The following SLCO3A1 variants were observed in gnomAD, a reference collection of about 807,000 sequenced individuals.
The protein encoded by SLCO3A1 is PGE1 transporter.
A neutral mutation model predicts 63.1 loss-of-function variants in SLCO3A1; 27 were observed. That is an observed-to-expected ratio of 0.43 (90% CI 0.32 to 0.59). The LOEUF (loss-of-function observed/expected upper bound fraction) is 0.59, where lower values mean the gene tolerates loss of function less well. Among genes scored for constraint, SLCO3A1 ranks in the 20% least tolerant of loss-of-function variants. SLCO3A1 has a pLI of 0.09. For synonymous variants in SLCO3A1, 473 were observed against 409.9 expected, an observed-to-expected ratio of 1.15 and a Z score of -1.86; for missense variants, 773 against 945.8, an observed-to-expected ratio of 0.82 and a Z score of 2.40.
At chr15:92,106,184 G>A (rs748001456) in intron 4 of SLCO3A1, among the ~76,000 whole-genome samples, 12 of 152,156 alleles carry the variant, frequency 7.9e-5, no homozygotes, top group Admixed American at 2.0e-4. Flanking sequence ...ATTTAATATC[G>A]TAATGTTATG....
intron 2 of SLCO3A1, among the ~76,000 whole-genome samples, chr15:92,052,888 G>A (rs907966847): frequency 6.6e-6 from 1 of 151,854 alleles, no homozygotes; most frequent in Non-Finnish European, 1.5e-5. Context: ...ATAAAATGTT[G>A]TTAGAATCAA....
chr15:92,135,590 T>A (rs1341085584), intron 7 of SLCO3A1, among the ~76,000 whole-genome samples: 2 of 152,144 alleles, frequency 1.3e-5, no homozygotes, highest in East Asian at 1.9e-4. Flanking sequence ...GTTGAACCAA[T>A]GAAGTGAAGA....
intron 1 of SLCO3A1, among the ~76,000 whole-genome samples, chr15:91,858,982 G>A (rs528497222): frequency 1.3e-3 from 201 of 152,312 alleles, no homozygotes; most frequent in African/African-American, 4.3e-3. Flanking sequence ...GTTCCAACTC[G>A]CGCAGATTTC....
chr15:91,902,037 T>C (rs1898171249), intron 1 of SLCO3A1, among the ~76,000 whole-genome samples: 1 of 152,170 alleles, frequency 6.6e-6, no homozygotes, highest in South Asian at 2.1e-4. Flanking sequence ...TGCATAATTC[T>C]TAGTGATTAT....
chr15:91,940,174 C>G (rs1899568800), intron 2 of SLCO3A1, among the ~76,000 whole-genome samples: 1 of 152,200 alleles, frequency 6.6e-6, no homozygotes, highest in Admixed American at 6.5e-5. Context: ...CAGCTCCTGC[C>G]TGGCATTGGA....
intron 2 of SLCO3A1, among the ~76,000 whole-genome samples, chr15:92,026,628 G>T (rs929264802): frequency 2.0e-5 from 3 of 152,162 alleles, no homozygotes; most frequent in African/African-American, 7.2e-5. Flanking sequence ...TGAGTTCATA[G>T]GTCTGTAACC....
chr15:91,898,162 G>A (rs993677997), intron 1 of SLCO3A1, among the ~76,000 whole-genome samples: 9 of 152,160 alleles, frequency 5.9e-5, no homozygotes, highest in African/African-American at 2.2e-4. Context: ...ACAGAGCCGT[G>A]TGCCTGTGTC....
At chr15:91,976,485 C>T (rs529229061) in intron 2 of SLCO3A1, among the ~76,000 whole-genome samples, 34 of 152,296 alleles carry the variant, frequency 2.2e-4, no homozygotes, top group African/African-American at 7.9e-4. Flanking sequence ...TTGGACAACA[C>T]AGCTGTAGCC....
intron 2 of SLCO3A1, among the ~76,000 whole-genome samples, chr15:92,058,571 C>T (rs2047049055): frequency 6.6e-6 from 1 of 152,134 alleles, no homozygotes; most frequent in Non-Finnish European, 1.5e-5. Context: ...TGGCCCATCA[C>T]CCCATTCACG....
downstream of SLCO3A1, among the ~76,000 whole-genome samples, chr15:92,167,245 C>T (rs2048498473): frequency 1.3e-5 from 2 of 152,276 alleles, no homozygotes; most frequent in African/African-American, 4.8e-5. Context: ...AGGAAAGTAC[C>T]AGACACATGG....
At chr15:92,063,911 TTTTG>T (rs1247604665) in intron 2 of SLCO3A1, among the ~76,000 whole-genome samples, 2 of 152,202 alleles carry the variant, frequency 1.3e-5, no homozygotes, top group African/African-American at 4.8e-5. Flanking sequence ...GTTGTTGTTC[TTTTG>T]TTTGTTTTTT....
At chr15:92,106,803 A>G (rs2047672738) in intron 4 of SLCO3A1, among the ~76,000 whole-genome samples, 1 of 152,198 alleles carries the variant, frequency 6.6e-6, no homozygotes, top group Admixed American at 6.5e-5. Context: ...AGAGGCAGAG[A>G]GAAGCCCACC....
chr15:92,143,761 G>A (rs1422532108), intron 7 of SLCO3A1, among the ~76,000 whole-genome samples: 5 of 151,064 alleles, frequency 3.3e-5, no homozygotes, highest in Non-Finnish European at 7.4e-5. Flanking sequence ...CTGGAGCTGG[G>A]GCTGGGGCTG....
At chr15:92,166,260 C>T (rs2048492969), downstream of SLCO3A1, among the ~76,000 whole-genome samples, 1 of 152,132 alleles carries the variant, frequency 6.6e-6, no homozygotes, top group Non-Finnish European at 1.5e-5. Context: ...TCACAGCTAG[C>T]GAAGGAGTGG....
At chr15:92,065,176 G>A (rs12911156) in intron 2 of SLCO3A1, among the ~76,000 whole-genome samples, 99,657 of 151,992 alleles carry the variant, frequency 0.66, 33,219 homozygotes, top group Admixed American at 0.79. Context: ...TCTGCCTTCC[G>A]GGTTCAAGCA....
At chr15:92,003,600 C>T (rs2046280366) in intron 2 of SLCO3A1, among the ~76,000 whole-genome samples, 1 of 152,140 alleles carries the variant, frequency 6.6e-6, no homozygotes, top group Non-Finnish European at 1.5e-5. Context: ...GATGAGAAAT[C>T]CCAGACTTCA....
chr15:92,118,489 A>G (rs778324207), intron 4 of SLCO3A1, among the ~76,000 whole-genome samples: 6 of 152,218 alleles, frequency 3.9e-5, no homozygotes, highest in Non-Finnish European at 7.3e-5. Context: ...TAAGTTTTGT[A>G]TATCTGCCAG....
chr15:91,979,420 G>A (rs1901248399), intron 2 of SLCO3A1, among the ~76,000 whole-genome samples: 1 of 152,234 alleles, frequency 6.6e-6, no homozygotes, highest in African/African-American at 2.4e-5. Flanking sequence ...CCACTTGGCA[G>A]TACTCAAAAA....
At position 91,885,204 on chromosome 15, in the gene SLCO3A1, C is replaced by G. The variant is rs750885113; in HGVS notation, c.181-30789C>G. On this transcript the variant is annotated intron_variant, in intron 1 of 9. Transcript: ENST00000318445. The surrounding 1 kb of genome is among the most constrained non-coding windows in gnomAD (Gnocchi z 4.7). ...TTGTCTCCCTCTTTGCTCCCTTTGG[C>G]GTCACTCTCCACGCCCAGTAACGAA... 6.6e-6 allele frequency among the ~76,000 whole-genome samples: 1 copy of G among 152,160 alleles called. No homozygotes were observed.
Sources: allele counts gnomAD v4.1 joint callset (sites outside exome capture counted in the v4.1 genomes callset), GRCh38; gene constraint gnomAD v4.1.1; non-coding constraint Gnocchi (gnomAD v3.1); transcripts MANE v1.5; gene names NCBI Gene and HGNC (gene_info 2026-07-23, HGNC 2026-07-21).